Variants in TRPC7 observed in about 807,000 individuals in gnomAD.
The protein encoded by TRPC7 is short transient receptor potential channel 7.
In TRPC7, 42 loss-of-function variants were observed where a neutral mutation model predicts 90.1. That is an observed-to-expected ratio of 0.47 (90% CI 0.36 to 0.60). The LOEUF (loss-of-function observed/expected upper bound fraction) is 0.60. Ranked by LOEUF, TRPC7 falls within the 20% of genes least tolerant of loss-of-function variation. The pLI, the probability that TRPC7 is intolerant of heterozygous loss-of-function variation, is 0.00. For missense variants in TRPC7, 955 were observed against 1,112.3 expected (o/e 0.86, Z 2.01); for synonymous variants, 451 against 436.3 (o/e 1.03, Z -0.42).
intron 3 of TRPC7, among the ~76,000 whole-genome samples, chr5:136,279,871 T>A (rs148253591): frequency 3.5e-3 from 540 of 152,274 alleles, no homozygotes; most frequent in Non-Finnish European, 5.8e-3. Flanking sequence ...TCTTCTCTGG[T>A]TTAACACCTC....
At position 136,248,591 on chromosome 5, in the gene TRPC7, C is replaced by A. The variant is rs530871456; in HGVS notation, c.1580-856G>T. Among the ~76,000 whole-genome samples the A allele has an allele frequency of 3.9e-5, 6 of 152,294 alleles. No homozygotes were observed. The South Asian group carries it at 1.2e-3, about 32-fold the overall frequency. ...GCTGGGATATTGCTCCTTGATTAAG[C>A]TAAGGCCCCAAAGTGGTGACCAGTC... On this transcript the variant is annotated intron_variant, in intron 6 of 11. Coordinates refer to ENST00000513104, the MANE Select transcript of TRPC7 (RefSeq NM_020389.3).
At chr5:136,359,552 C>T (rs1760497054) in intron 1 of TRPC7, among the ~76,000 whole-genome samples, 1 of 152,180 alleles carries the variant, frequency 6.6e-6, no homozygotes. Context: ...ATTCCAGAGA[C>T]AGTCTGCTCA....
At chr5:136,326,877 T>G (rs111552521) in intron 2 of TRPC7, among the ~76,000 whole-genome samples, 11 of 152,020 alleles carry the variant, frequency 7.2e-5, no homozygotes, top group Non-Finnish European at 1.0e-4. Context: ...AGGACTTTGA[T>G]GGGGAGAGGG....
chr5:136,349,379 G>A (rs897820660), intron 2 of TRPC7, among the ~76,000 whole-genome samples: 14 of 152,166 alleles, frequency 9.2e-5, no homozygotes, highest in Admixed American at 9.2e-4. Context: ...AATAGAGGAG[G>A]TGCTGAATTT....
intron 4 of TRPC7, among the ~76,000 whole-genome samples, chr5:136,274,000 T>C (rs1359696307): frequency 2.6e-5 from 4 of 152,194 alleles, no homozygotes; most frequent in Non-Finnish European, 5.9e-5. Context: ...TGGTGGGCAC[T>C]GGACACTCCC....
intron 4 of TRPC7, among the ~76,000 whole-genome samples, chr5:136,267,741 T>C (rs1211811572): frequency 6.6e-6 from 1 of 152,228 alleles, no homozygotes; most frequent in East Asian, 1.9e-4. Context: ...AATAAAGTAT[T>C]AGTTTTTATC....
At chr5:136,364,806 A>C (rs1035033968) in intron 1 of TRPC7, among the ~76,000 whole-genome samples, 2 of 152,330 alleles carry the variant, frequency 1.3e-5, no homozygotes, top group South Asian at 4.1e-4. Context: ...GAAAAATGAC[A>C]ATCTCTTTCT....
At position 136,360,006 on chromosome 5, in the gene TRPC7, C is replaced by T. The variant is rs1760519939; in HGVS notation, c.3-2621G>A. 2.6e-5 allele frequency among the ~76,000 whole-genome samples: 4 copies of T among 152,244 alleles called. No homozygotes were observed. The South Asian group carries it at 8.3e-4, about 32-fold the overall frequency. ...AGCTGTCCGAGAAGAAGCTGCAATA[C>T]AGCTTGATTCCACGGCACTTTTCCA... On this transcript the variant is annotated intron_variant, in intron 1 of 11. Coordinates refer to ENST00000513104, the MANE Select transcript of TRPC7 (RefSeq NM_020389.3).
intron 3 of TRPC7, among the ~76,000 whole-genome samples, chr5:136,302,051 T>G (rs1758414125): frequency 6.6e-6 from 1 of 152,264 alleles, no homozygotes; most frequent in Non-Finnish European, 1.5e-5. Context: ...CTTTCAGTCT[T>G]GGTACCACAC....
intron 3 of TRPC7, among the ~76,000 whole-genome samples, chr5:136,293,757 C>A (rs1448112765): frequency 1.3e-5 from 2 of 152,134 alleles, no homozygotes; most frequent in Non-Finnish European, 1.5e-5. Context: ...ATCAAGCTAC[C>A]AATGACTTTC....
chr5:136,266,585 G>T, intron 4 of TRPC7, 149 bp from the exon 5 acceptor site: 2 of 718,474 alleles, frequency 2.8e-6, no homozygotes, highest in Non-Finnish European at 4.6e-6. Flanking sequence ...ATTTTTTCTT[G>T]AACTATTATG....
chr5:136,274,958 G>A, intron 3 of TRPC7, 121 bp from the exon 4 acceptor site: 1 of 1,143,710 alleles, frequency 8.7e-7, no homozygotes, highest in Non-Finnish European at 1.2e-6. Flanking sequence ...GGGGGTGGTT[G>A]AGGAACCTGC....
chr5:136,296,664 G>A (rs552240826), intron 3 of TRPC7, among the ~76,000 whole-genome samples: 8 of 152,214 alleles, frequency 5.3e-5, no homozygotes, highest in East Asian at 3.9e-4. Flanking sequence ...CTGTATGTAC[G>A]TAAATACATG....
Position 136,325,772 on chromosome 5 carries a change from A to G in TRPC7, c.781-9993T>C, listed in dbSNP as rs1163833420. 3.4e-4 allele frequency among the ~76,000 whole-genome samples: 52 copies of G among 152,076 alleles called. 1 individual carries two copies. Among genetic ancestry groups the G allele is most frequent in the Admixed American group, 3.4e-3 (51 of 15,166 alleles). On this transcript the variant is annotated intron_variant, in intron 2 of 11. Coordinates refer to ENST00000513104, the MANE Select transcript of TRPC7 (RefSeq NM_020389.3). The stretch of plus-strand genomic sequence containing the variant: ...TCTGGGGGCAGGGAATCTCAGGCCA[A>G]TTTGTGCTGACTTCCCAAAGCTGGA...
chr5:136,345,373 T>C (rs1308756955), intron 2 of TRPC7, among the ~76,000 whole-genome samples: 1 of 152,102 alleles, frequency 6.6e-6, no homozygotes, highest in Non-Finnish European at 1.5e-5. Flanking sequence ...CTGGCCAACA[T>C]GGCGAAACCC....
intron 5 of TRPC7, among the ~76,000 whole-genome samples, chr5:136,265,501 T>C (rs1289845862): frequency 2.6e-5 from 4 of 152,166 alleles, no homozygotes; most frequent in Non-Finnish European, 4.4e-5. Context: ...TAGTTTTCAG[T>C]GTCGGAAAAA....
At chr5:136,346,872 CA>C (rs1760024230) in intron 2 of TRPC7, among the ~76,000 whole-genome samples, 1 of 152,130 alleles carries the variant, frequency 6.6e-6, no homozygotes, top group Non-Finnish European at 1.5e-5. Context: ...CCTGGTACCT[CA>C]GAATGTGACC....
At chr5:136,269,336 C>T (rs1454802127) in intron 4 of TRPC7, among the ~76,000 whole-genome samples, 1 of 152,216 alleles carries the variant, frequency 6.6e-6, no homozygotes, top group Non-Finnish European at 1.5e-5. Flanking sequence ...AAGAGTGCCC[C>T]TGAATTGGCT....
chr5:136,274,924 C>G, intron 3 of TRPC7, 87 bp from the exon 4 acceptor site: 1 of 1,423,154 alleles, frequency 7.0e-7, no homozygotes, highest in East Asian at 2.5e-5. Flanking sequence ...CTAGGAGTAG[C>G]TGGGGGCTGA....
Sources: gnomAD v4.1 joint callset for allele counts (sites outside exome capture counted in the v4.1 genomes callset) on GRCh38, gnomAD v4.1.1 for gene constraint, MANE v1.5 for transcripts, NCBI Gene and HGNC (gene_info 2026-07-23, HGNC 2026-07-21) for gene names.